CSNK1G1: variants seen among roughly 807,000 people sequenced by gnomAD.
CSNK1G1 encodes casein kinase 1 gamma 1.
In CSNK1G1, 22 loss-of-function variants were observed where a neutral mutation model predicts 59.6. The observed-to-expected ratio is 0.37, with a 90% confidence interval of 0.26 to 0.53. CSNK1G1 has a LOEUF of 0.53. Ranked by LOEUF, CSNK1G1 falls within the 20% of genes least tolerant of loss-of-function variation. The probability of loss-of-function intolerance (pLI) is 0.89; values close to 1 mark genes in which losing one functional copy is unlikely to be tolerated. For synonymous variants in CSNK1G1, 179 were observed against 177.1 expected (o/e 1.01, Z -0.08); for missense variants, 384 against 519.5 (o/e 0.74, Z 2.54).
At chr15:64,292,102 C>T (rs918061313) in intron 2 of CSNK1G1, among the ~76,000 whole-genome samples, 2 of 150,892 alleles carry the variant, frequency 1.3e-5, no homozygotes, top group African/African-American at 4.9e-5. Flanking sequence ...CCCAGCTAGT[C>T]GGGAGGCTTA....
chr15:64,313,673 A>G (rs1051448191), intron 1 of CSNK1G1, among the ~76,000 whole-genome samples: 2 of 151,964 alleles, frequency 1.3e-5, no homozygotes, highest in African/African-American at 4.8e-5. Flanking sequence ...TGGGTGCAGG[A>G]AACTACCATG....
At chr15:64,270,633 G>A (rs577918910) in intron 2 of CSNK1G1, among the ~76,000 whole-genome samples, 21 of 152,060 alleles carry the variant, frequency 1.4e-4, no homozygotes, top group Admixed American at 8.5e-4. Context: ...GGTGGCAGGC[G>A]CCTGTAGTCC....
In CSNK1G1 at chr15:64,333,189, C is replaced by A. The variant is rs557380888; in HGVS notation, c.-225+22799G>T. On this transcript the variant is annotated intron_variant, in intron 1 of 11. Transcript: ENST00000303052. The stretch of plus-strand genomic sequence containing the variant: ...GGTGAATCACTTGAACCCAGGAGGC[C>A]AAGGTTGCAGTCAGCCCAGATTGCG... 1.6e-3 allele frequency among the ~76,000 whole-genome samples: 197 copies of A among 125,142 alleles called. 1 individual carries two copies. Among genetic ancestry groups the A allele is most frequent in the African/African-American group, 5.5e-3 (184 of 33,684 alleles). 82.1% of individuals were successfully genotyped at this position (125,142 alleles called of 152,430 possible).
intron 10 of CSNK1G1, 47 bp from the exon 11 acceptor site, chr15:64,180,501 A>T (rs753134259): frequency 1.4e-6 from 2 of 1,476,428 alleles, no homozygotes; most frequent in Non-Finnish European, 1.9e-6. Flanking sequence ...TGGCAACAGA[A>T]ATCTCTTGCC....
At chr15:64,230,733 G>T (rs564301628) in intron 4 of CSNK1G1, among the ~76,000 whole-genome samples, 2 of 152,308 alleles carry the variant, frequency 1.3e-5, no homozygotes, top group Admixed American at 6.5e-5. Context: ...ACCACTTTGG[G>T]AGGCCAAGGT....
intron 1 of CSNK1G1, among the ~76,000 whole-genome samples, chr15:64,323,691 A>T (rs1016189127): frequency 6.6e-6 from 1 of 152,130 alleles, no homozygotes; most frequent in African/African-American, 2.4e-5. Flanking sequence ...TAAAACATAT[A>T]AACAATTTCA....
chr15:64,215,664 T>C (rs2082303101), intron 5 of CSNK1G1, among the ~76,000 whole-genome samples: 1 of 152,228 alleles, frequency 6.6e-6, no homozygotes, highest in African/African-American at 2.4e-5. Context: ...ATTTGCATCC[T>C]TCCCCAAAGG....
intron 1 of CSNK1G1, chr15:64,316,853 G>C (rs148766350): frequency 1.3e-5 from 2 of 151,958 alleles, no homozygotes; most frequent in Non-Finnish European, 1.5e-5. Context: ...CCCCAGTCAC[G>C]TACCCCCTGC....
At chr15:64,282,643 A>C (rs1409317717) in intron 2 of CSNK1G1, among the ~76,000 whole-genome samples, 1 of 152,140 alleles carries the variant, frequency 6.6e-6, no homozygotes, top group Non-Finnish European at 1.5e-5. Flanking sequence ...ATCTTTATTC[A>C]TTTTTATGGG....
rs576048230 is a variant in CSNK1G1 at position 64,176,408 on chromosome 15, G to A, written c.1214+3940C>T. 1 of 396,866 alleles carries A rather than the reference G, an allele frequency of 2.5e-6. No homozygotes were observed. The highest frequency in any genetic ancestry group is 2.1e-5 in the African/African-American group (1 of 48,734). 24.6% of individuals were successfully genotyped at this position (396,866 alleles called of 1,614,324 possible). On this transcript the variant is annotated intron_variant, in intron 11 of 11. Coordinates refer to ENST00000303052, the MANE Select transcript of CSNK1G1 (RefSeq NM_022048.5). The surrounding 1 kb of genome is among the most constrained non-coding windows in gnomAD (Gnocchi z 5.2). The stretch of plus-strand genomic sequence containing the variant: ...ATGCAAACATGCAGTATGTGTCTGT[G>A]TTTAGTTTCTTCTTCTGTCAAGGTA...
At position 64,188,469 on chromosome 15, in the gene CSNK1G1, C is replaced by A; in HGVS notation, c.1108-8015G>T. 1 of 1,536,040 alleles carries A rather than the reference C, an allele frequency of 6.5e-7. No individual in the cohort carries two copies. Among genetic ancestry groups the A allele is most frequent in the Non-Finnish European group, 8.7e-7 (1 of 1,146,866 alleles). On this transcript the variant is annotated intron_variant, in intron 10 of 11. Coordinates refer to ENST00000303052, the MANE Select transcript of CSNK1G1 (RefSeq NM_022048.5). The surrounding 1 kb of genome is among the most constrained non-coding windows in gnomAD (Gnocchi z 4.2). ...GGGCTGAATTTCCCACTCTCCTCGG[C>A]GCTCTGATGATACATTCTGCTTAGG...
Position 64,188,443 on chromosome 15 carries a change from T to C in CSNK1G1, c.1108-7989A>G. 3 of 1,536,174 alleles carry C rather than the reference T, an allele frequency of 2.0e-6. No individual in the cohort carries two copies. The highest frequency in any genetic ancestry group is 1.7e-6 in the Non-Finnish European group (2 of 1,146,920). ...AGGTATGAGGTATTGGTCTGCCGGC[T>C]GGGCTGAATTTCCCACTCTCCTCGG... On this transcript the variant is annotated intron_variant, in intron 10 of 11. Coordinates refer to ENST00000303052, the MANE Select transcript of CSNK1G1 (RefSeq NM_022048.5). The surrounding 1 kb of genome is among the most constrained non-coding windows in gnomAD (Gnocchi z 4.2).
At chr15:64,260,265 A>C (rs1258285618) in intron 2 of CSNK1G1, among the ~76,000 whole-genome samples, 1 of 152,218 alleles carries the variant, frequency 6.6e-6, no homozygotes, top group African/African-American at 2.4e-5. Flanking sequence ...TAAAACACTC[A>C]AAATCTCGAC....
chr15:64,277,625 ATATATTAATAT>A (rs1457950235), intron 2 of CSNK1G1, among the ~76,000 whole-genome samples: 35 of 138,836 alleles, frequency 2.5e-4, no homozygotes, highest in South Asian at 4.5e-4. Context: ...GGTATATTTA[ATATATTAATAT>A]TAATATATTT....
intron 10 of CSNK1G1, 23 bp from the exon 11 acceptor site, chr15:64,180,477 T>C: frequency 1.3e-6 from 2 of 1,576,516 alleles, no homozygotes; most frequent in Non-Finnish European, 1.7e-6. Context: ...GACAGAAGTG[T>C]GTGACAGGCA....
At chr15:64,278,203 C>T (rs1479048170) in intron 2 of CSNK1G1, among the ~76,000 whole-genome samples, 2 of 150,810 alleles carry the variant, frequency 1.3e-5, no homozygotes, top group East Asian at 3.9e-4. Context: ...CCCACCACCA[C>T]TCTTGGCTAA....
Position 64,173,210 on chromosome 15 carries a change from T to C in CSNK1G1, c.1215-1225A>G, listed in dbSNP as rs977643864. On this transcript the variant is annotated intron_variant, in intron 11 of 11. Transcript: ENST00000303052. Reference sequence around the variant, plus strand: ...ACTTCCCATACCCCTAGGTATTCCATTGTAGCCAAGATTCCCTCTCTTTTT... The same window carrying C: ...ACTTCCCATACCCCTAGGTATTCCACTGTAGCCAAGATTCCCTCTCTTTTT... 3.3e-5 allele frequency among the ~76,000 whole-genome samples: 5 copies of C among 152,224 alleles called. No homozygotes were observed. In the East Asian group the frequency reaches 7.7e-4, roughly 23 times the overall value.
At chr15:64,240,655 A>G (rs962006463) in intron 4 of CSNK1G1, among the ~76,000 whole-genome samples, 23 of 152,158 alleles carry the variant, frequency 1.5e-4, no homozygotes, top group East Asian at 1.2e-3. Context: ...GAAAAAAAAA[A>G]CTCTCAGCCA....
chr15:64,346,049 A>C (rs1897943655), intron 1 of CSNK1G1, among the ~76,000 whole-genome samples: 1 of 33,194 alleles, frequency 3.0e-5, no homozygotes, highest in African/African-American at 5.4e-5. Context: ...TCAGCCTACC[A>C]AAGTGCTGAG....
Sources: gnomAD v4.1 joint callset for allele counts (sites outside exome capture counted in the v4.1 genomes callset) on GRCh38, gnomAD v4.1.1 for gene constraint, Gnocchi (gnomAD v3.1) non-coding constraint, MANE v1.5 for transcripts, NCBI Gene and HGNC (gene_info 2026-07-23, HGNC 2026-07-21) for gene names.